The following AHI1 variants were observed in gnomAD, a reference collection of about 807,000 sequenced individuals.
AHI1 encodes the protein Abelson helper integration site 1.
A neutral mutation model predicts 149.3 loss-of-function variants in AHI1; 123 were observed. That is an observed-to-expected ratio of 0.82 (90% CI 0.71 to 0.96). The LOEUF (loss-of-function observed/expected upper bound fraction) is 0.96. Among genes scored for constraint, AHI1 ranks in the 40% least tolerant of loss-of-function variants. AHI1 has a pLI of 0.00. For missense variants in AHI1, 1,439 were observed against 1,422.7 expected, an observed-to-expected ratio of 1.01 and a Z score of -0.18; for synonymous variants, 475 against 459.8, an observed-to-expected ratio of 1.03 and a Z score of -0.42.
intron 13 of AHI1, among the ~76,000 whole-genome samples, chr6:135,444,008 T>A (rs1308030831): frequency 6.6e-6 from 1 of 152,176 alleles, no homozygotes. Context: ...CACTATCATG[T>A]TCTTTGTATT....
rs953533372 is a variant in AHI1 at position 135,438,605 on chromosome 6, A to T, written c.1913-107T>A. On this transcript the variant is annotated intron_variant, in intron 14 of 28. Coordinates refer to ENST00000265602, the MANE Select transcript of AHI1 (RefSeq NM_001134831.2). ...TTAGACATAAGCAGTCTATAACAAAATTATAACCAAAGACATTTGCAGCAC... is the reference window on the plus strand; with the variant it reads ...TTAGACATAAGCAGTCTATAACAAATTTATAACCAAAGACATTTGCAGCAC... 2.2e-5 allele frequency: 19 copies of T among 868,746 alleles called. No individual in the cohort carries two copies. In the Middle Eastern group the frequency reaches 1.6e-3, roughly 74 times the overall value. 53.8% of individuals were successfully genotyped at this position (868,746 alleles called of 1,614,324 possible). A position where few individuals can be genotyped will look rare whatever the true frequency, so the allele number is the denominator to read the frequency against.
At chr6:135,448,640 CA>C (rs1208714733) in intron 11 of AHI1, among the ~76,000 whole-genome samples, 165 bp from the exon 12 acceptor site, 1 of 152,156 alleles carries the variant, frequency 6.6e-6, no homozygotes. Context: ...AGCACACTTC[CA>C]GATCATTTTT....
intron 23 of AHI1, among the ~76,000 whole-genome samples, chr6:135,371,708 C>T (rs186644082): frequency 7.2e-5 from 11 of 152,224 alleles, no homozygotes; most frequent in African/African-American, 2.2e-4. Context: ...TAGTTTCTTT[C>T]GAAAGATCTA....
chr6:135,430,174 T>C (rs949988686), intron 17 of AHI1, among the ~76,000 whole-genome samples, 174 bp from the exon 18 acceptor site: 2 of 151,926 alleles, frequency 1.3e-5, no homozygotes, highest in Non-Finnish European at 3.0e-5. Flanking sequence ...ATAAAGCTGA[T>C]GAATTGTATT....
In AHI1 at chr6:135,323,239, T is replaced by G; in HGVS notation, c.3251A>C (p.Asp1084Ala). 6.2e-7 allele frequency: 1 copy of G among 1,613,812 alleles called. No homozygotes were observed. The highest frequency in any genetic ancestry group is 2.2e-5 in the East Asian group (1 of 44,888). ...RGDIIRVFFK[D>A]NEDWWYGSIG... Reference sequence around the variant, plus strand: ...GCTGCCATACCACCAGTCTTCATTATCTTTGAAAAACACTCGGATAATGTC... The same window carrying G: ...GCTGCCATACCACCAGTCTTCATTAGCTTTGAAAAACACTCGGATAATGTC... The change falls in exon 25 of 29, where the codon GAT becomes GCT. Residue 1084 changes from aspartate (D) to alanine (A), a missense_variant. Coordinates refer to ENST00000265602, the MANE Select transcript of AHI1 (RefSeq NM_001134831.2).
chr6:135,354,703 G>T (rs970412964), intron 24 of AHI1, among the ~76,000 whole-genome samples: 1 of 151,998 alleles, frequency 6.6e-6, no homozygotes, highest in Non-Finnish European at 1.5e-5. Context: ...AAGTGCAGAG[G>T]GACTAATTCT....
At chr6:135,475,668 T>C (rs1792490252) in intron 5 of AHI1, among the ~76,000 whole-genome samples, 1 of 152,152 alleles carries the variant, frequency 6.6e-6, no homozygotes, top group South Asian at 2.1e-4. Context: ...CTTTGCACAT[T>C]TTGTCACATG....
intron 28 of AHI1, among the ~76,000 whole-genome samples, chr6:135,287,907 C>G (rs1340865968): frequency 1.3e-5 from 2 of 151,882 alleles, no homozygotes; most frequent in East Asian, 3.9e-4. Flanking sequence ...ACCAGCCTGG[C>G]CAACATGGTG....
intron 14 of AHI1, among the ~76,000 whole-genome samples, chr6:135,439,422 C>A (rs915584484): frequency 6.6e-6 from 1 of 152,092 alleles, no homozygotes; most frequent in African/African-American, 2.4e-5. Context: ...TGGTTGTCAC[C>A]CAGTGCTTTT....
intron 5 of AHI1, among the ~76,000 whole-genome samples, chr6:135,480,027 C>A (rs1434508244): frequency 6.6e-6 from 1 of 152,168 alleles, no homozygotes; most frequent in East Asian, 1.9e-4. Flanking sequence ...CAGCCATGCC[C>A]CTCCAATACA....
chr6:135,449,094 C>T (rs549522526), intron 11 of AHI1, among the ~76,000 whole-genome samples: 12 of 152,074 alleles, frequency 7.9e-5, no homozygotes, highest in African/African-American at 2.9e-4. Flanking sequence ...TTATCCAGGC[C>T]GGAGTGCAGT....
chr6:135,387,778 C>A, intron 23 of AHI1: 3 of 1,233,502 alleles, frequency 2.4e-6, no homozygotes, highest in Admixed American at 4.0e-5. Flanking sequence ...TCAAAAAAGC[C>A]TCCCATAACC....
intron 24 of AHI1, 32 bp downstream of exon 24, chr6:135,358,100 A>G: frequency 6.3e-7 from 1 of 1,599,768 alleles, no homozygotes; most frequent in Non-Finnish European, 8.6e-7. Context: ...CTTTCTTAAC[A>G]CTTTTAACAA....
chr6:135,375,315 G>A (rs2614288), intron 23 of AHI1, among the ~76,000 whole-genome samples: 331 of 151,710 alleles, frequency 2.2e-3, no homozygotes, highest in Non-Finnish European at 3.8e-3. Context: ...GGAAAAAAAC[G>A]AGCAACCACT....
chr6:135,333,660 A>G (rs1223578051), intron 24 of AHI1, among the ~76,000 whole-genome samples: 1 of 152,244 alleles, frequency 6.6e-6, no homozygotes, highest in Non-Finnish European at 1.5e-5. Flanking sequence ...AAGCATTTGA[A>G]AGCATTTAAT....
chr6:135,421,303 C>T (rs112557107), intron 20 of AHI1, among the ~76,000 whole-genome samples: 3,802 of 152,188 alleles, frequency 0.025, 174 homozygotes, highest in African/African-American at 0.086. Flanking sequence ...ATGGCGCCCA[C>T]AGACTGGCTT....
chr6:135,487,850 T>G (rs1398763667), intron 5 of AHI1, among the ~76,000 whole-genome samples: 2 of 152,196 alleles, frequency 1.3e-5, no homozygotes, highest in Non-Finnish European at 2.9e-5. Flanking sequence ...TCTTAAATTC[T>G]TAACTTTGAT....
chr6:135,299,362 G>A (rs1783565347), intron 27 of AHI1, among the ~76,000 whole-genome samples: 1 of 152,090 alleles, frequency 6.6e-6, no homozygotes. Flanking sequence ...TCTTCAAATT[G>A]CCAAAGCATA....
Position 135,482,894 on chromosome 6 carries a change from C to CTTTTTTTCTTTTTTTTTTTTTT in AHI1, c.135+7728_135+7729insAAAAAAAAAAAAAAGAAAAAAA, listed in dbSNP as rs1793905606. The stretch of plus-strand genomic sequence containing the variant: ...TTCAACCAGTATAATCCATTTAAGG[C>CTTTTTTTCTTTTTTTTTTTTTT]TTTTTTTTTTTTTTTGAGACAGAGT... On this transcript the variant is annotated intron_variant, in intron 5 of 28. Transcript: ENST00000265602. Among the ~76,000 whole-genome samples, 9 of 55,734 alleles carry CTTTTTTTCTTTTTTTTTTTTTT rather than the reference C, an allele frequency of 1.6e-4. 1 individual carries two copies. Among genetic ancestry groups the CTTTTTTTCTTTTTTTTTTTTTT allele is most frequent in the African/African-American group, 8.3e-4 (9 of 10,788 alleles). The allele number at this position is 55,734 out of a possible 152,430, so 36.6% of individuals were successfully genotyped here.
Sources: allele counts gnomAD v4.1 joint callset (sites outside exome capture counted in the v4.1 genomes callset), GRCh38; gene constraint gnomAD v4.1.1; transcripts MANE v1.5; gene names NCBI Gene and HGNC (gene_info 2026-07-23, HGNC 2026-07-21).